The following SMOC2 variants were observed in gnomAD, a reference collection of about 807,000 sequenced individuals.
SMOC2 encodes SPARC-related modular calcium-binding protein 2.
Under a neutral mutation model 61.4 loss-of-function variants are expected in SMOC2, and 39 were observed. The ratio of observed to expected loss-of-function variants is 0.64; its 90% CI spans 0.49 to 0.83. SMOC2 has a LOEUF of 0.83. SMOC2 is among the 40% of genes least tolerant of loss of function. The pLI, the probability that SMOC2 is intolerant of heterozygous loss-of-function variation, is 0.00. For synonymous variants in SMOC2, 247 were observed against 239.9 expected, an observed-to-expected ratio of 1.03 and a Z score of -0.27; for missense variants, 556 against 592.9, an observed-to-expected ratio of 0.94 and a Z score of 0.65.
intron 8 of SMOC2, among the ~76,000 whole-genome samples, chr6:168,603,612 C>A (rs531467278): frequency 2.0e-5 from 3 of 152,018 alleles, no homozygotes; most frequent in African/African-American, 7.3e-5. Flanking sequence ...CATGCTTCCA[C>A]GGAGCCTGCA....
intron 7 of SMOC2, among the ~76,000 whole-genome samples, chr6:168,583,022 G>C (rs1477459829): frequency 6.6e-6 from 1 of 152,174 alleles, no homozygotes; most frequent in African/African-American, 2.4e-5. Context: ...AGGCTGCCCA[G>C]TCGCAGCTGA....
chr6:168,591,262 A>G (rs757095188), intron 7 of SMOC2, among the ~76,000 whole-genome samples: 5 of 152,244 alleles, frequency 3.3e-5, no homozygotes, highest in Non-Finnish European at 7.3e-5. Flanking sequence ...CAGGCCAGGG[A>G]TCTGAGCCAC....
In SMOC2 at chr6:168,629,629, T is replaced by G. The variant is rs1760902221; in HGVS notation, c.908-21052T>G. 2.0e-5 allele frequency among the ~76,000 whole-genome samples: 3 copies of G among 152,282 alleles called. No homozygotes were observed. In the South Asian group the frequency reaches 6.2e-4, roughly 32 times the overall value. On this transcript the variant is annotated intron_variant, in intron 9 of 12. Transcript: ENST00000356284. ...TCACCTTTTCTGTTTAAAAACACCC[T>G]CCTCAAGTACAGCCTGGGGAAGCTG... is the stretch of plus-strand genomic sequence containing the variant.
chr6:168,645,747 C>T (rs1469391891), intron 9 of SMOC2, among the ~76,000 whole-genome samples: 1 of 152,128 alleles, frequency 6.6e-6, no homozygotes, highest in Non-Finnish European at 1.5e-5. Context: ...CCCCCCAGGT[C>T]ACCACGCAGG....
chr6:168,660,624 A>G (rs1426751799), intron 11 of SMOC2, among the ~76,000 whole-genome samples: 1 of 152,208 alleles, frequency 6.6e-6, no homozygotes, highest in Non-Finnish European at 1.5e-5. Flanking sequence ...CCTGGGCGGG[A>G]AGGCAGGTTC....
chr6:168,558,494 G>C (rs1218525877), intron 7 of SMOC2, among the ~76,000 whole-genome samples: 1 of 152,138 alleles, frequency 6.6e-6, no homozygotes, highest in Non-Finnish European at 1.5e-5. Flanking sequence ...CAGAAGGGGG[G>C]CCTGGGCTGG....
In SMOC2 at chr6:168,661,632, TTTTTTATAACTTTAATTTACAGCTACTTC is replaced by T. The variant is rs1340740351; in HGVS notation, c.1286-2425_1286-2397del. Among the ~76,000 whole-genome samples, 4 of 152,322 alleles carry T rather than the reference TTTTTTATAACTTTAATTTACAGCTACTTC, an allele frequency of 2.6e-5. No homozygotes were observed. In the East Asian group the frequency reaches 5.8e-4, roughly 22 times the overall value. On this transcript the variant is annotated intron_variant, in intron 11 of 12. Transcript: ENST00000356284. ...CCCCCAAAAAAAAGAATATTAGTTT[TTTTTTATAACTTTAATTTACAGCTACTTC>T]TTTTTATAACTTTAATCTACAGCTA...
chr6:168,514,669 A>G (rs1783089845), intron 2 of SMOC2, among the ~76,000 whole-genome samples: 1 of 152,140 alleles, frequency 6.6e-6, no homozygotes, highest in African/African-American at 2.4e-5. Flanking sequence ...GTGATCGCCT[A>G]TGAAGTCTTA....
At chr6:168,454,030 G>T (rs1418189989) in intron 1 of SMOC2, among the ~76,000 whole-genome samples, 1 of 151,864 alleles carries the variant, frequency 6.6e-6, no homozygotes, top group Admixed American at 6.6e-5. Flanking sequence ...GTCTCTGTGT[G>T]TCTTCTTTCT....
intron 12 of SMOC2, 76 bp from the exon 13 acceptor site, chr6:168,666,345 G>T: frequency 6.3e-7 from 1 of 1,582,486 alleles, no homozygotes; most frequent in Non-Finnish European, 8.7e-7. Flanking sequence ...ATTCCCAGAA[G>T]CCAAGCCTTA....
chr6:168,550,200 G>T (rs1784098193), intron 7 of SMOC2, among the ~76,000 whole-genome samples: 2 of 152,174 alleles, frequency 1.3e-5, no homozygotes, highest in Non-Finnish European at 2.9e-5. Context: ...TAGTTCAGCT[G>T]CTGAGGAAAT....
At chr6:168,485,881 A>T (rs1483630157) in intron 1 of SMOC2, among the ~76,000 whole-genome samples, 7 of 152,198 alleles carry the variant, frequency 4.6e-5, no homozygotes, top group African/African-American at 1.7e-4. Context: ...ACTCTCCCTT[A>T]TAGGTTCCTA....
chr6:168,659,955 T>TGAGTGA (rs1787462648), intron 11 of SMOC2, among the ~76,000 whole-genome samples: 1 of 116,432 alleles, frequency 8.6e-6, no homozygotes, highest in Non-Finnish European at 2.0e-5. Flanking sequence ...GGTTGTAGGT[T>TGAGTGA]GGGTGAGGTT....
At chr6:168,512,784 G>T (rs1188247921) in intron 2 of SMOC2, among the ~76,000 whole-genome samples, 1 of 152,120 alleles carries the variant, frequency 6.6e-6, no homozygotes, top group Admixed American at 6.6e-5. Flanking sequence ...ACTTTCTATG[G>T]CCTGAGGGAG....
At chr6:168,559,803 T>A (rs547224422) in intron 7 of SMOC2, among the ~76,000 whole-genome samples, 177 of 152,318 alleles carry the variant, frequency 1.2e-3, no homozygotes, top group African/African-American at 4.1e-3. Flanking sequence ...CCCCTAATAT[T>A]TTTACCAGTC....
intron 8 of SMOC2, 57 bp from the exon 9 acceptor site, chr6:168,608,100 G>A: frequency 1.3e-6 from 2 of 1,512,150 alleles, no homozygotes; most frequent in Admixed American, 3.7e-5. Context: ...ACAAACCACA[G>A]CTGGTCTCAA....
At chr6:168,527,533 T>G (rs753964862) in intron 3 of SMOC2, 95 bp from the exon 4 acceptor site, 5 of 861,984 alleles carry the variant, frequency 5.8e-6, no homozygotes, top group Non-Finnish European at 7.6e-6. Context: ...GGACCCTGTC[T>G]GAGCCACTGC....
intron 8 of SMOC2, among the ~76,000 whole-genome samples, chr6:168,607,178 C>T (rs1785718897): frequency 6.6e-6 from 1 of 151,960 alleles, no homozygotes; most frequent in African/African-American, 2.4e-5. Flanking sequence ...GAAGATTGTC[C>T]TCCTTGGGGG....
intron 11 of SMOC2, among the ~76,000 whole-genome samples, chr6:168,662,213 A>T (rs1469785358): frequency 6.6e-6 from 1 of 152,254 alleles, no homozygotes; most frequent in Non-Finnish European, 1.5e-5. Context: ...AACACACAGG[A>T]ATGTGTGTCT....
Sources: allele counts gnomAD v4.1 joint callset (sites outside exome capture counted in the v4.1 genomes callset), GRCh38; gene constraint gnomAD v4.1.1; transcripts MANE v1.5; gene names NCBI Gene and HGNC (gene_info 2026-07-23, HGNC 2026-07-21).